Variants in SCAF4 observed in about 807,000 individuals in gnomAD.
SCAF4 encodes the protein SR-related and CTD-associated factor 4.
SCAF4 carries 25 observed loss-of-function variants against 129.8 expected under a neutral mutation model. That is an observed-to-expected ratio of 0.19 (90% CI 0.14 to 0.27). The LOEUF is 0.27. Among genes scored for constraint, SCAF4 ranks in the 10% least tolerant of loss-of-function variants. The pLI is 1.00. For synonymous variants in SCAF4, 551 were observed against 497.7 expected, an observed-to-expected ratio of 1.11 and a Z score of -1.43; for missense variants, 1,246 against 1,457.1, an observed-to-expected ratio of 0.86 and a Z score of 2.36.
chr21:31,696,229 A>C lies in SCAF4; in HGVS notation c.960-8T>G, dbSNP rs766300467. On this transcript the variant is annotated splice_polypyrimidine_tract_variant and splice_region_variant and intron_variant, in intron 8 of 19. Transcript: ENST00000286835. The stretch of plus-strand genomic sequence containing the variant: ...CCATCTCCAGGAAAGCCACTAAAAA[A>C]AGGTGGATAATCTTTTACCCATTCA... The C allele has an allele frequency of 1.9e-6, 3 of 1,609,180 alleles. No individual in the cohort carries two copies. Among genetic ancestry groups the C allele is most frequent in the Non-Finnish European group, 2.6e-6 (3 of 1,175,716 alleles).
intron 1 of SCAF4, chr21:31,712,741 G>A: frequency 1.1e-5 from 2 of 181,358 alleles, no homozygotes; most frequent in Non-Finnish European, 2.1e-5. Context: ...TGTTGGTCAG[G>A]CTGGTCTCAA....
At chr21:31,679,311 C>T (rs1327135382) in intron 19 of SCAF4, among the ~76,000 whole-genome samples, 1 of 152,024 alleles carries the variant, frequency 6.6e-6, no homozygotes, top group African/African-American at 2.4e-5. Context: ...TCATCAATAC[C>T]TGAAGATCCC....
intron 16 of SCAF4, among the ~76,000 whole-genome samples, chr21:31,685,977 C>T (rs970697209): frequency 1.4e-4 from 21 of 151,812 alleles, no homozygotes; most frequent in African/African-American, 2.2e-4. Context: ...CCGAGGCAGG[C>T]GGATCACCTA....
intron 8 of SCAF4, 108 bp downstream of exon 8, chr21:31,696,461 A>G: frequency 8.5e-7 from 1 of 1,172,384 alleles, no homozygotes; most frequent in Non-Finnish European, 1.2e-6. Context: ...CACAAATTTT[A>G]CAAAACAACT....
At chr21:31,680,208 G>A (rs1293040571) in intron 19 of SCAF4, among the ~76,000 whole-genome samples, 2 of 152,142 alleles carry the variant, frequency 1.3e-5, no homozygotes, top group Non-Finnish European at 2.9e-5. Context: ...GAGAAATGGA[G>A]ACAATGTGTT....
rs746582850 is a variant in SCAF4 at position 31,690,936 on chromosome 21, G to A, written c.1746C>T (p.Asn582=). 2 of 1,607,104 alleles carry A rather than the reference G, an allele frequency of 1.2e-6. No homozygotes were observed. Among genetic ancestry groups the A allele is most frequent in the South Asian group, 1.1e-5 (1 of 89,150 alleles). The stretch of plus-strand genomic sequence containing the variant: ...GCTTATAATCTGCCTTTATTCCTTT[G>A]TTTAAGGCCCAGGCAATCTATTTCA... ...QKSIKIAWAL[N]KGIKADYKQY... The change falls in exon 15 of 20, where the codon AAC becomes AAT. Residue 582 remains asparagine, a synonymous_variant. Coordinates refer to ENST00000286835, the MANE Select transcript of SCAF4 (RefSeq NM_020706.2).
In SCAF4 at chr21:31,719,290, C is replaced by CA. The variant is rs150901623; in HGVS notation, c.30+12372dup. ...GGGCAACAAGAACGAAACTCTGTCC[C>CA]AAAAAAAAACAAAAAACAAAAAACA... is the stretch of plus-strand genomic sequence containing the variant. On this transcript the variant is annotated intron_variant, in intron 1 of 19. Coordinates refer to ENST00000286835, the MANE Select transcript of SCAF4 (RefSeq NM_020706.2). Among the ~76,000 whole-genome samples the CA allele has an allele frequency of 8.9e-3, 1,276 of 143,516 alleles. 15 individuals are homozygous for CA. The highest frequency in any genetic ancestry group is 0.023 in the African/African-American group (912 of 39,022). The allele number at this position is 143,516 out of a possible 152,430, so 94.2% of individuals were successfully genotyped here.
Position 31,685,747 on chromosome 21 carries a change from TAAAAG to T in SCAF4, c.2044-19_2044-15del. 9.0e-6 allele frequency: 14 copies of T among 1,557,094 alleles called. No homozygotes were observed. The highest frequency in any genetic ancestry group is 1.2e-5 in the Non-Finnish European group (14 of 1,157,034). The stretch of plus-strand genomic sequence containing the variant: ...ATGTGGTGGGACCTAGAAAGAAAGA[TAAAAG>T]AATAAACCACCTATCTAGACACCCT... On this transcript the variant is annotated splice_polypyrimidine_tract_variant and intron_variant, in intron 16 of 19. Transcript: ENST00000286835.
chr21:31,711,022 CT>C (rs2050787807), intron 1 of SCAF4, among the ~76,000 whole-genome samples: 1 of 152,072 alleles, frequency 6.6e-6, no homozygotes, highest in African/African-American at 2.4e-5. Flanking sequence ...CACTTTCTTT[CT>C]TTTTTTAAAC....
At chr21:31,709,626 G>C (rs1232352626) in intron 1 of SCAF4, among the ~76,000 whole-genome samples, 2 of 151,998 alleles carry the variant, frequency 1.3e-5, no homozygotes, top group African/African-American at 2.4e-5. Context: ...CCACCTAACA[G>C]TATAACCATC....
intron 9 of SCAF4, 92 bp downstream of exon 9, chr21:31,696,021 A>AT: frequency 1.3e-6 from 1 of 755,166 alleles, no homozygotes; most frequent in Non-Finnish European, 2.1e-6. Flanking sequence ...CGACTTAGCC[A>AT]ATTACATAGC....
intron 12 of SCAF4, 90 bp downstream of exon 12, chr21:31,693,203 TC>T (rs896698736): frequency 4.3e-6 from 4 of 929,050 alleles, no homozygotes; most frequent in Non-Finnish European, 6.0e-6. Flanking sequence ...TGGTAACATT[TC>T]TTTTATAGTT....
chr21:31,675,083 A>G (rs138638832), intron 19 of SCAF4, among the ~76,000 whole-genome samples: 8 of 152,314 alleles, frequency 5.3e-5, no homozygotes, highest in African/African-American at 1.7e-4. Flanking sequence ...CAGCTTTTGA[A>G]AAGGCATATA....
intron 1 of SCAF4, among the ~76,000 whole-genome samples, chr21:31,718,618 T>C (rs1270101161): frequency 2.0e-5 from 3 of 152,130 alleles, no homozygotes; most frequent in African/African-American, 4.8e-5. Context: ...TTAAAACAAA[T>C]AGGGGAAAGA....
intron 7 of SCAF4, chr21:31,700,753 T>C (rs1168710114): frequency 7.4e-6 from 3 of 406,350 alleles, no homozygotes; most frequent in Non-Finnish European, 4.5e-6. Context: ...TTTTTTTTTT[T>C]TTTTCACTTT....
chr21:31,675,825 T>C (rs918649025), intron 19 of SCAF4, among the ~76,000 whole-genome samples: 1 of 152,116 alleles, frequency 6.6e-6, no homozygotes, highest in Admixed American at 6.5e-5. Flanking sequence ...ACCATTGCCA[T>C]CTACAGCAAA....
At chr21:31,705,097 A>G (rs1190369813) in intron 3 of SCAF4, among the ~76,000 whole-genome samples, 1 of 152,212 alleles carries the variant, frequency 6.6e-6, no homozygotes, top group East Asian at 1.9e-4. Flanking sequence ...AAGTAATTTC[A>G]TTTGAAATAC....
At chr21:31,716,594 T>C (rs2050925609) in intron 1 of SCAF4, among the ~76,000 whole-genome samples, 1 of 152,132 alleles carries the variant, frequency 6.6e-6, no homozygotes, top group African/African-American at 2.4e-5. Flanking sequence ...CTAAATTTCT[T>C]AACAAAAGAT....
At chr21:31,695,747 C>T (rs1240020154) in intron 9 of SCAF4, among the ~76,000 whole-genome samples, 1 of 152,190 alleles carries the variant, frequency 6.6e-6, no homozygotes, top group Non-Finnish European at 1.5e-5. Flanking sequence ...GGATTTCAAA[C>T]TATATTCCTG....
Sources: gnomAD v4.1 joint callset for allele counts (sites outside exome capture counted in the v4.1 genomes callset) on GRCh38, gnomAD v4.1.1 for gene constraint, MANE v1.5 for transcripts, NCBI Gene and HGNC (gene_info 2026-07-23, HGNC 2026-07-21) for gene names.